The following HACE1 variants were observed in gnomAD, a reference collection of about 807,000 sequenced individuals.
HACE1 encodes the protein E3 ubiquitin-protein ligase HACE1.
Under a neutral mutation model 118.4 loss-of-function variants are expected in HACE1, and 73 were observed. The observed-to-expected ratio is 0.62, with a 90% CI of 0.51 to 0.75. The LOEUF is 0.75. HACE1 is among the 30% of genes least tolerant of loss of function. The pLI is 0.00. For synonymous variants in HACE1, 368 were observed against 374.8 expected, an observed-to-expected ratio of 0.98 and a Z score of 0.21; for missense variants, 749 against 1,102.2, an observed-to-expected ratio of 0.68 and a Z score of 4.54.
chr6:104,828,523 G>A (rs930392525), intron 6 of HACE1, among the ~76,000 whole-genome samples: 4 of 151,888 alleles, frequency 2.6e-5, no homozygotes, highest in African/African-American at 9.7e-5. Flanking sequence ...TTTAACAGTT[G>A]ATCTAAGAAA....
At position 104,796,978 on chromosome 6, in the gene HACE1, T is replaced by A. The variant is rs200547628; in HGVS notation, c.665A>T (p.Lys222Ile). The A allele has an allele frequency of 6.2e-7, 1 of 1,605,616 alleles. No individual in the cohort carries two copies. Among genetic ancestry groups the A allele is most frequent in the Non-Finnish European group, 8.5e-7 (1 of 1,172,394 alleles). The change falls in exon 8 of 24, where the codon AAA becomes ATA. Residue 222 changes from lysine (K) to isoleucine (I), a missense_variant. Around this residue, in one of 5 missense-constraint regions of HACE1, gnomAD observed 267 missense variants for 312.2 expected, o/e 0.86. Coordinates refer to ENST00000262903, the MANE Select transcript of HACE1 (RefSeq NM_020771.4). ...TACTCCATTTTTATCTGGCAGATAT[T>A]TGGCTCCTCGTAATAGTAGGATCTG... ...TAQILLLRGAKYLPDKNGVTP... is the reference protein window; with the variant it reads ...TAQILLLRGAIYLPDKNGVTP...
At chr6:104,851,137 A>G (rs951871245) in intron 2 of HACE1, 141 bp from the exon 3 acceptor site, 1 of 641,692 alleles carries the variant, frequency 1.6e-6, no homozygotes, top group South Asian at 1.6e-5. Flanking sequence ...AGGCTGGAGT[A>G]CAGTGGCGAG....
chr6:104,783,375 T>C (rs1269960568), intron 14 of HACE1, among the ~76,000 whole-genome samples: 3 of 152,184 alleles, frequency 2.0e-5, no homozygotes, highest in Admixed American at 2.0e-4. Context: ...AGAATCCTCT[T>C]AGAGAAGGGA....
chr6:104,799,861 G>C (rs542311368), intron 7 of HACE1, among the ~76,000 whole-genome samples: 3 of 152,138 alleles, frequency 2.0e-5, no homozygotes, highest in African/African-American at 7.2e-5. Flanking sequence ...GTACCTGGTC[G>C]ATCTCATTGG....
rs9486020 is a variant in HACE1 at position 104,822,938 on chromosome 6, A to C, written c.534+10104T>G. Among the ~76,000 whole-genome samples, 4 of 152,282 alleles carry C rather than the reference A, an allele frequency of 2.6e-5. 1 individual carries two copies. The East Asian group carries it at 7.7e-4, about 29-fold the overall frequency. ...AGCGCTTACAATATAAAAACAATTT[A>C]TTCATTAGACTAACATACTCCTCTA... On this transcript the variant is annotated intron_variant, in intron 6 of 23. Transcript: ENST00000262903.
chr6:104,781,240 T>G (rs1389203507), intron 14 of HACE1, among the ~76,000 whole-genome samples: 3 of 152,234 alleles, frequency 2.0e-5, no homozygotes, highest in Non-Finnish European at 4.4e-5. Context: ...TTGCCATCAT[T>G]ATTTATTTTG....
chr6:104,852,205 G>GTC, intron 2 of HACE1, 112 bp downstream of exon 2: 1 of 669,254 alleles, frequency 1.5e-6, no homozygotes. Flanking sequence ...CTGTCTGTGT[G>GTC]TGTGTGTGTG....
At chr6:104,762,512 G>C (rs1265401850) in intron 19 of HACE1, among the ~76,000 whole-genome samples, 2 of 152,042 alleles carry the variant, frequency 1.3e-5, no homozygotes, top group Admixed American at 1.3e-4. Flanking sequence ...GAAACACATG[G>C]ACACAAGGAG....
At chr6:104,760,772 T>C (rs1779267779) in intron 19 of HACE1, among the ~76,000 whole-genome samples, 1 of 152,208 alleles carries the variant, frequency 6.6e-6, no homozygotes, top group Admixed American at 6.5e-5. Context: ...TGTTTGCAGA[T>C]GGCATGATTG....
intron 7 of HACE1, among the ~76,000 whole-genome samples, chr6:104,802,287 T>C (rs1770463681): frequency 6.6e-6 from 1 of 152,174 alleles, no homozygotes; most frequent in African/African-American, 2.4e-5. Context: ...AACACCCCAC[T>C]GTCAATAATA....
Position 104,791,590 on chromosome 6 carries a change from C to G in HACE1, c.988G>C (p.Val330Leu). ...LLRIVRMFCH[V>L]FRIGPSSPSN... ...GGGGAGGATGGACCAATTCGAAAGA[C>G]GTGACAAAACATTCTCACAATCCTT... The change falls in exon 11 of 24, where the codon GTC becomes CTC. Residue 330 changes from valine to leucine, a missense_variant. Physicochemically the swap from Val to Leu is conservative, Grantham distance 32. Transcript: ENST00000262903. 2 of 1,609,986 alleles carry G rather than the reference C, an allele frequency of 1.2e-6. No individual in the cohort carries two copies. The highest frequency in any genetic ancestry group is 1.7e-6 in the Non-Finnish European group (2 of 1,176,328).
At chr6:104,742,490 A>T (rs1776875026) in intron 22 of HACE1, among the ~76,000 whole-genome samples, 1 of 152,158 alleles carries the variant, frequency 6.6e-6, no homozygotes, top group Admixed American at 6.5e-5. Flanking sequence ...CCCCATCAAA[A>T]AGTGGGCAAA....
intron 1 of HACE1, 135 bp downstream of exon 1, chr6:104,859,432 C>T: frequency 1.4e-6 from 1 of 718,748 alleles, no homozygotes; most frequent in Non-Finnish European, 2.2e-6. Context: ...GGCCGCCTCT[C>T]AGCTCTGGAA....
intron 22 of HACE1, among the ~76,000 whole-genome samples, chr6:104,734,142 C>CAAAAAAAAA (rs11370746): frequency 4.6e-5 from 4 of 87,154 alleles, no homozygotes; most frequent in East Asian, 3.5e-4. Flanking sequence ...GACTCTTCCT[C>CAAAAAAAAA]AAAAAAAAAA....
chr6:104,736,884 T>G (rs1441184862), intron 22 of HACE1, among the ~76,000 whole-genome samples: 1 of 152,214 alleles, frequency 6.6e-6, no homozygotes, highest in East Asian at 1.9e-4. Context: ...TATCTCTGAA[T>G]AGTGGGATCA....
chr6:104,857,683 C>A (rs1374177590), intron 1 of HACE1, among the ~76,000 whole-genome samples: 1 of 150,914 alleles, frequency 6.6e-6, no homozygotes, highest in Non-Finnish European at 1.5e-5. Flanking sequence ...GGGCGGGGCA[C>A]GGTGGCTCAC....
At chr6:104,759,558 A>G (rs966966785) in intron 19 of HACE1, among the ~76,000 whole-genome samples, 31 of 152,212 alleles carry the variant, frequency 2.0e-4, no homozygotes, top group African/African-American at 6.8e-4. Flanking sequence ...CAATGTGTAG[A>G]AGGAAATTTT....
At chr6:104,785,654 T>C in intron 11 of HACE1, 1 of 275,596 alleles carries the variant, frequency 3.6e-6, no homozygotes, top group South Asian at 4.0e-5. Context: ...TACTACTATA[T>C]ATAATCACCC....
intron 5 of HACE1, among the ~76,000 whole-genome samples, chr6:104,834,570 T>C (rs572490648): frequency 6.6e-6 from 1 of 152,320 alleles, no homozygotes; most frequent in East Asian, 1.9e-4. Context: ...CAGTCTCTAC[T>C]TCTTCCCTAA....
Sources: allele counts gnomAD v4.1 joint callset (sites outside exome capture counted in the v4.1 genomes callset), GRCh38; gene constraint gnomAD v4.1.1; regional missense constraint gnomAD v4.1.1; transcripts MANE v1.5; gene names NCBI Gene and HGNC (gene_info 2026-07-23, HGNC 2026-07-21).